The following PRKCE variants were observed in gnomAD, a reference collection of about 807,000 sequenced individuals.
PRKCE encodes the protein protein kinase C epsilon type.
PRKCE carries 16 observed loss-of-function variants against 85.4 expected under a neutral mutation model. That is an observed-to-expected ratio of 0.19 (90% CI 0.13 to 0.28). PRKCE has a LOEUF of 0.28. PRKCE is among the 10% of genes least tolerant of loss of function. PRKCE has a pLI of 1.00. For missense variants in PRKCE, 573 were observed against 975.2 expected (o/e 0.59, Z 5.49); for synonymous variants, 388 against 371.5 (o/e 1.04, Z -0.51).
At chr2:46,134,598 C>G (rs142795538) in intron 11 of PRKCE, among the ~76,000 whole-genome samples, 4 of 152,354 alleles carry the variant, frequency 2.6e-5, no homozygotes, top group African/African-American at 9.6e-5. Flanking sequence ...CAAGTTCAAG[C>G]AAGTTCTTTC....
chr2:46,141,248 A>G (rs548815136), intron 11 of PRKCE, among the ~76,000 whole-genome samples: 15 of 152,348 alleles, frequency 9.8e-5, no homozygotes, highest in African/African-American at 3.4e-4. Context: ...AATGTCCCCC[A>G]ATAAATACAG....
chr2:46,172,602 T>C (rs188273258), intron 14 of PRKCE, among the ~76,000 whole-genome samples: 1 of 152,276 alleles, frequency 6.6e-6, no homozygotes, highest in East Asian at 1.9e-4. Flanking sequence ...CATAATGTGT[T>C]TGGAGCTAAC....
intron 1 of PRKCE, among the ~76,000 whole-genome samples, chr2:45,790,498 A>G (rs536695630): frequency 1.3e-5 from 2 of 152,342 alleles, no homozygotes; most frequent in African/African-American, 2.4e-5. Flanking sequence ...GGATGTATCT[A>G]TTAAAATAAC....
At chr2:45,760,029 T>C (rs1684331927) in intron 1 of PRKCE, among the ~76,000 whole-genome samples, 2 of 152,146 alleles carry the variant, frequency 1.3e-5, no homozygotes, top group African/African-American at 4.8e-5. Context: ...GCAGATGCAT[T>C]TGAAAGTGCT....
intron 2 of PRKCE, among the ~76,000 whole-genome samples, chr2:45,961,054 T>C (rs1398871823): frequency 6.6e-6 from 1 of 152,176 alleles, no homozygotes; most frequent in Non-Finnish European, 1.5e-5. Context: ...GACTTTAGCG[T>C]CTCTGAATTC....
intron 2 of PRKCE, among the ~76,000 whole-genome samples, chr2:45,964,298 G>A (rs1701588750): frequency 1.3e-5 from 2 of 152,226 alleles, no homozygotes; most frequent in Non-Finnish European, 2.9e-5. Context: ...AGAAGCATGA[G>A]CAGTGGCCAG....
At chr2:46,126,121 T>C (rs886883089) in intron 11 of PRKCE, among the ~76,000 whole-genome samples, 19 of 152,214 alleles carry the variant, frequency 1.2e-4, no homozygotes, top group Non-Finnish European at 2.6e-4. Context: ...AAAGTACTTA[T>C]TGGATGTTTC....
intron 1 of PRKCE, among the ~76,000 whole-genome samples, chr2:45,781,684 A>T (rs1686203280): frequency 1.3e-5 from 2 of 151,984 alleles, no homozygotes; most frequent in South Asian, 2.1e-4. Flanking sequence ...GCTACATCTG[A>T]TAATGTAGTT....
At chr2:46,103,632 T>G (rs1350386999) in intron 11 of PRKCE, among the ~76,000 whole-genome samples, 3 of 152,212 alleles carry the variant, frequency 2.0e-5, no homozygotes, top group Non-Finnish European at 1.5e-5. Context: ...TAACTACTGA[T>G]GCCCTACTGT....
chr2:46,044,152 G>A (rs1479255469), intron 10 of PRKCE, among the ~76,000 whole-genome samples: 2 of 152,304 alleles, frequency 1.3e-5, no homozygotes, highest in East Asian at 3.9e-4. Flanking sequence ...TCAAACCCTG[G>A]TTTAGAGAAC....
At chr2:45,743,551 G>A (rs1387776331) in intron 1 of PRKCE, among the ~76,000 whole-genome samples, 1 of 151,888 alleles carries the variant, frequency 6.6e-6, no homozygotes, top group Non-Finnish European at 1.5e-5. Context: ...AGGAACCAGG[G>A]GGAGCTGATG....
intron 11 of PRKCE, among the ~76,000 whole-genome samples, chr2:46,120,267 T>A (rs1031010414): frequency 1.3e-5 from 2 of 152,188 alleles, no homozygotes; most frequent in African/African-American, 4.8e-5. Flanking sequence ...TAGTGGTTAT[T>A]TTACCTCCAG....
intron 2 of PRKCE, chr2:45,845,600 G>C (rs533883701): frequency 6.6e-6 from 1 of 152,300 alleles, no homozygotes; most frequent in East Asian, 1.9e-4. Context: ...TCAGAGAGAG[G>C]TGTGGGGGTG....
chr2:45,819,093 T>C (rs1273712215), intron 1 of PRKCE, among the ~76,000 whole-genome samples: 2 of 152,192 alleles, frequency 1.3e-5, no homozygotes, highest in African/African-American at 4.8e-5. Flanking sequence ...GGAGTAGGTA[T>C]ATTAATAACC....
At chr2:45,658,341 C>T (rs1375329516) in intron 1 of PRKCE, among the ~76,000 whole-genome samples, 1 of 152,210 alleles carries the variant, frequency 6.6e-6, no homozygotes, top group Non-Finnish European at 1.5e-5. Flanking sequence ...GGCATTGGGT[C>T]CCTAGAGTTA....
At chr2:46,165,125 G>T (rs1310685840) in intron 14 of PRKCE, among the ~76,000 whole-genome samples, 2 of 152,162 alleles carry the variant, frequency 1.3e-5, no homozygotes, top group Non-Finnish European at 2.9e-5. Flanking sequence ...GTCCAACTGG[G>T]TTTCCTGACT....
At chr2:45,900,594 G>A (rs1362382721) in intron 2 of PRKCE, among the ~76,000 whole-genome samples, 1 of 152,186 alleles carries the variant, frequency 6.6e-6, no homozygotes, top group Non-Finnish European at 1.5e-5. Flanking sequence ...GTAGGATGGT[G>A]GTTGCCATGG....
chr2:45,700,231 C>CT (rs1678516074), intron 1 of PRKCE, among the ~76,000 whole-genome samples: 1 of 151,858 alleles, frequency 6.6e-6, no homozygotes, highest in Admixed American at 6.6e-5. Flanking sequence ...ATAGAGAGGT[C>CT]TTTTTTCTTT....
At chr2:45,732,387 T>A (rs1681655790) in intron 1 of PRKCE, among the ~76,000 whole-genome samples, 1 of 152,178 alleles carries the variant, frequency 6.6e-6, no homozygotes, top group Non-Finnish European at 1.5e-5. Flanking sequence ...CAGGGCAGAT[T>A]TATGTTTCAG....
Sources: gnomAD v4.1 joint callset for allele counts (sites outside exome capture counted in the v4.1 genomes callset) on GRCh38, gnomAD v4.1.1 for gene constraint, MANE v1.5 for transcripts, NCBI Gene and HGNC (gene_info 2026-07-23, HGNC 2026-07-21) for gene names.